The following FAM171A1 variants were observed in gnomAD, a reference collection of about 807,000 sequenced individuals.
The protein encoded by FAM171A1 is protein FAM171A1.
FAM171A1 carries 23 observed loss-of-function variants against 74.9 expected under a neutral mutation model. The ratio of observed to expected loss-of-function variants is 0.31; its 90% confidence interval spans 0.22 to 0.44. The LOEUF (loss-of-function observed/expected upper bound fraction) is 0.44. FAM171A1 is among the 20% of genes least tolerant of loss of function. The pLI is 1.00. For synonymous variants in FAM171A1, 527 were observed against 505.7 expected, an observed-to-expected ratio of 1.04 and a Z score of -0.57; for missense variants, 1,162 against 1,159.2, an observed-to-expected ratio of 1.00 and a Z score of -0.03.
intron 1 of FAM171A1, among the ~76,000 whole-genome samples, chr10:15,325,117 A>G (rs1327606827): frequency 6.6e-6 from 1 of 152,210 alleles, no homozygotes; most frequent in South Asian, 2.1e-4. Context: ...GGGGAGTTCT[A>G]TGTCCTCTTT....
At chr10:15,265,268 CGT>C (rs772804842) in intron 3 of FAM171A1, among the ~76,000 whole-genome samples, 6 of 150,990 alleles carry the variant, frequency 4.0e-5, no homozygotes, top group African/African-American at 7.3e-5. Flanking sequence ...TGTGTGTGTG[CGT>C]GTGTGTTTGT....
intron 4 of FAM171A1, 71 bp downstream of exon 4, chr10:15,254,650 C>T: frequency 6.5e-7 from 1 of 1,533,654 alleles, no homozygotes; most frequent in Non-Finnish European, 8.9e-7. Context: ...AACTCCCAAT[C>T]ATACCTAAAA....
At chr10:15,289,172 A>G (rs1012620974) in intron 1 of FAM171A1, among the ~76,000 whole-genome samples, 1 of 152,166 alleles carries the variant, frequency 6.6e-6, no homozygotes, top group African/African-American at 2.4e-5. Flanking sequence ...ATAGAATAAC[A>G]CTGAGAATGG....
At chr10:15,262,510 G>A (rs1030582164) in intron 3 of FAM171A1, among the ~76,000 whole-genome samples, 6 of 152,158 alleles carry the variant, frequency 3.9e-5, no homozygotes, top group African/African-American at 4.8e-5. Flanking sequence ...GTGAAGCTGC[G>A]GGGAAGTTAG....
upstream of FAM171A1, among the ~76,000 whole-genome samples, chr10:15,371,979 G>A (rs1235195506): frequency 6.6e-6 from 1 of 152,124 alleles, no homozygotes; most frequent in Non-Finnish European, 1.5e-5. Flanking sequence ...GGGATGCAGG[G>A]AATGAAAAAT....
intron 4 of FAM171A1, among the ~76,000 whole-genome samples, chr10:15,249,597 T>G (rs1834483085): frequency 6.6e-6 from 1 of 152,250 alleles, no homozygotes; most frequent in Non-Finnish European, 1.5e-5. Context: ...GGCTGCTTTT[T>G]TTTTAACATA....
intron 1 of FAM171A1, among the ~76,000 whole-genome samples, chr10:15,302,827 A>G (rs1835248250): frequency 6.6e-6 from 1 of 152,220 alleles, no homozygotes; most frequent in African/African-American, 2.4e-5. Flanking sequence ...ATTTGACTGA[A>G]TAAATTCTGT....
At chr10:15,243,583 G>A (rs1193522855) in intron 5 of FAM171A1, among the ~76,000 whole-genome samples, 1 of 151,820 alleles carries the variant, frequency 6.6e-6, no homozygotes, top group Non-Finnish European at 1.5e-5. Context: ...CTTATATTAG[G>A]AGCCCCAGCC....
rs565068282 is a variant in FAM171A1 at position 15,337,624 on chromosome 10, C to T, written c.97+33332G>A. Among the ~76,000 whole-genome samples, 400 of 152,112 alleles carry T rather than the reference C, an allele frequency of 2.6e-3. 1 individual carries two copies. The highest frequency in any genetic ancestry group is 4.2e-3 in the Non-Finnish European group (286 of 67,994). On this transcript the variant is annotated intron_variant, in intron 1 of 7. Transcript: ENST00000378116. The stretch of plus-strand genomic sequence containing the variant: ...TTTAATAAGCAGTAGGGGCTGGGCG[C>T]GGTGGCTCACGCCTGCAATCCCAGC...
intron 2 of FAM171A1, 36 bp from the exon 3 acceptor site, chr10:15,275,983 A>T (rs1416611394): frequency 1.0e-5 from 15 of 1,505,034 alleles, no homozygotes; most frequent in Non-Finnish European, 1.4e-5. Flanking sequence ...GGGGATTTTA[A>T]TAGTCATATT....
intron 5 of FAM171A1, among the ~76,000 whole-genome samples, chr10:15,247,893 G>T (rs1274834920): frequency 6.6e-6 from 1 of 152,166 alleles, no homozygotes; most frequent in African/African-American, 2.4e-5. Flanking sequence ...GTCAACAGCC[G>T]GCAAGGAAGT....
intron 4 of FAM171A1, among the ~76,000 whole-genome samples, chr10:15,250,237 G>A (rs1023460527): frequency 2.0e-5 from 3 of 152,204 alleles, no homozygotes; most frequent in Admixed American, 6.5e-5. Context: ...AAAGATCGAA[G>A]TTGGAATCAC....
chr10:15,265,200 T>C (rs1448529456), intron 3 of FAM171A1, among the ~76,000 whole-genome samples: 1 of 152,154 alleles, frequency 6.6e-6, no homozygotes, highest in East Asian at 1.9e-4. Flanking sequence ...AATATGCTCA[T>C]GCTTCTTGCT....
At chr10:15,321,729 G>A (rs530336260) in intron 1 of FAM171A1, among the ~76,000 whole-genome samples, 5 of 152,210 alleles carry the variant, frequency 3.3e-5, no homozygotes, top group Admixed American at 6.5e-5. Flanking sequence ...AACCAAAATG[G>A]TTTGAGCATT....
chr10:15,345,910 G>A (rs933311462), intron 1 of FAM171A1, among the ~76,000 whole-genome samples: 1 of 152,192 alleles, frequency 6.6e-6, no homozygotes, highest in African/African-American at 2.4e-5. Context: ...AAGGAGAGCA[G>A]ACCCAGAAAT....
At chr10:15,266,784 G>C (rs765003947) in intron 3 of FAM171A1, among the ~76,000 whole-genome samples, 8 of 151,318 alleles carry the variant, frequency 5.3e-5, no homozygotes, top group Non-Finnish European at 1.0e-4. Context: ...TGAAAGGATT[G>C]CTTGAGTCTG....
chr10:15,266,866 C>CAAA (rs1156974565), intron 3 of FAM171A1, among the ~76,000 whole-genome samples: 2 of 55,248 alleles, frequency 3.6e-5, no homozygotes, highest in African/African-American at 1.3e-4. Context: ...GAGACTGTTT[C>CAAA]AAAAAAAAAA....
chr10:15,316,534 C>A (rs1835424286), intron 1 of FAM171A1, among the ~76,000 whole-genome samples: 1 of 152,150 alleles, frequency 6.6e-6, no homozygotes, highest in African/African-American at 2.4e-5. Context: ...AGGCTCCAGA[C>A]CTTCCAAGAT....
intron 3 of FAM171A1, among the ~76,000 whole-genome samples, chr10:15,273,364 G>C (rs963484284): frequency 5.3e-5 from 8 of 152,154 alleles, no homozygotes; most frequent in Non-Finnish European, 1.2e-4. Context: ...TCCCTGAATA[G>C]ACAAATAACA....
Sources: gnomAD v4.1 joint callset for allele counts (sites outside exome capture counted in the v4.1 genomes callset) on GRCh38, gnomAD v4.1.1 for gene constraint, MANE v1.5 for transcripts, NCBI Gene and HGNC (gene_info 2026-07-23, HGNC 2026-07-21) for gene names.